Variants in TENM1 observed in about 807,000 individuals in gnomAD.
TENM1 encodes the protein teneurin transmembrane protein 1, also known as teneurin-1.
In TENM1, 35 loss-of-function variants were observed where a neutral mutation model predicts 174.8. The ratio of observed to expected loss-of-function variants is 0.20; its 90% CI spans 0.15 to 0.27. TENM1 has a LOEUF of 0.27. Ranked by LOEUF, TENM1 falls within the 10% of genes least tolerant of loss-of-function variation. The pLI, the probability that TENM1 is intolerant of heterozygous loss-of-function variation, is 1.00. For synonymous variants in TENM1, 781 were observed against 798.7 expected, an observed-to-expected ratio of 0.98 and a Z score of 0.37; for missense variants, 1,633 against 2,130.1, an observed-to-expected ratio of 0.77 and a Z score of 4.59.
intron 1 of TENM1, among the ~76,000 whole-genome samples, chrX:124,937,053 GA>G (rs774928525): frequency 2.2e-3 from 144 of 66,678 alleles, no homozygotes; most frequent in African/African-American, 3.5e-3. Flanking sequence ...CCTCAAAAAA[GA>G]AAAAAAAAAA....
At chrX:124,480,186 T>C (rs181309933) in intron 22 of TENM1, among the ~76,000 whole-genome samples, 1 of 111,870 alleles carries the variant, frequency 8.9e-6, no homozygotes, top group African/African-American at 3.2e-5. Context: ...GCGACTTATT[T>C]CAGTAGAAAA....
chrX:124,439,694 C>T (rs1447845119), intron 23 of TENM1, among the ~76,000 whole-genome samples: 1 of 111,394 alleles, frequency 9.0e-6, no homozygotes. Context: ...CAGTTCTAAA[C>T]TTCTTGGTCC....
chrX:124,707,257 C>A (rs2052930711), intron 4 of TENM1, among the ~76,000 whole-genome samples: 1 of 112,043 alleles, frequency 8.9e-6, no homozygotes, highest in African/African-American at 3.2e-5. Flanking sequence ...CCTACCTCAG[C>A]CTCCTAAAGT....
At chrX:124,561,873 C>G in intron 13 of TENM1, 56 bp from the exon 17 acceptor site, 1 of 1,129,598 alleles carries the variant, frequency 8.9e-7, no homozygotes, top group Non-Finnish European at 1.2e-6. Flanking sequence ...GATTGGCCAA[C>G]AATGATGTAT....
chrX:125,113,780 A>G, the TENM1 span, among the ~76,000 whole-genome samples: 1 of 110,970 alleles, frequency 9.0e-6, no homozygotes, highest in East Asian at 2.8e-4. Flanking sequence ...AGAGACCTAC[A>G]AAGAGACTTA....
chrX:124,729,355 T>C (rs1032457171), intron 4 of TENM1, among the ~76,000 whole-genome samples: 2 of 112,144 alleles, frequency 1.8e-5, no homozygotes, highest in Non-Finnish European at 3.8e-5. Context: ...TCTCATTCAG[T>C]TCTGAAAACA....
chrX:125,039,570 A>G, the TENM1 span, among the ~76,000 whole-genome samples: 2 of 111,375 alleles, frequency 1.8e-5, no homozygotes, highest in Non-Finnish European at 3.8e-5. Context: ...AAAAAGACAT[A>G]GGTAAACCTG....
rs764976943 is a variant in TENM1, at chrX:124,693,097, T to G, written c.1015+11916A>C. Among the ~76,000 whole-genome samples the G allele has an allele frequency of 2.1e-3, 230 of 110,003 alleles. 1 individual carries two copies. Among genetic ancestry groups the G allele is most frequent in the African/African-American group, 7.2e-3 (218 of 30,348 alleles). ...TTTGTCTGTTGTCAAGATGTCTAATTTCAATCTGATTTTCTTTCTTTTACA... is the reference window on the plus strand; with the variant it reads ...TTTGTCTGTTGTCAAGATGTCTAATGTCAATCTGATTTTCTTTCTTTTACA... On this transcript the variant is annotated intron_variant, in intron 5 of 31. Transcript: ENST00000422452.
At position 124,756,503 on chromosome X, in the gene TENM1, C is replaced by T. The variant is rs753162126; in HGVS notation, c.536-19306G>A. ...CTTCTCTCAACTCGTCAAAGTCATT[C>T]TCCATCCAGCTTTGTTCCGTTGCTG... On this transcript the variant is annotated intron_variant, in intron 3 of 31. Coordinates refer to ENST00000422452, the Ensembl canonical transcript of TENM1. Among the ~76,000 whole-genome samples the T allele has an allele frequency of 7.9e-3, 882 of 111,614 alleles. 9 individuals carry two copies. The highest frequency in any genetic ancestry group is 0.027 in the African/African-American group (837 of 30,493).
rs1491523202 is a variant in TENM1, at chrX:124,471,350, ATT to A, written c.3949+10380_3949+10381del. Among the ~76,000 whole-genome samples the A allele has an allele frequency of 4.0e-4, 4 of 10,085 alleles. 1 individual carries two copies. Among genetic ancestry groups the A allele is most frequent in the Admixed American group, 1.6e-3 (1 of 611 alleles). 8.8% of individuals were successfully genotyped at this position (10,085 alleles called of 115,157 possible). On this transcript the variant is annotated intron_variant, in intron 22 of 31. Coordinates refer to ENST00000422452, the Ensembl canonical transcript of TENM1. The stretch of plus-strand genomic sequence containing the variant: ...ATATATAGTACTATATATAATATAT[ATT>A]ATAATATATAGTACTATATATTATA...
At chrX:125,007,244 T>C in the TENM1 span, among the ~76,000 whole-genome samples, 1 of 110,456 alleles carries the variant, frequency 9.1e-6, no homozygotes, top group Admixed American at 9.7e-5. Flanking sequence ...CAAGTATCAA[T>C]AGCCGGACTG....
intron 25 of TENM1, among the ~76,000 whole-genome samples, chrX:124,409,059 C>T (rs1234390830): frequency 9.1e-6 from 1 of 109,829 alleles, no homozygotes; most frequent in Non-Finnish European, 1.9e-5. Context: ...TTTCTTAATC[C>T]AGTCTATCAT....
intron 11 of TENM1, among the ~76,000 whole-genome samples, chrX:124,577,790 G>A (rs1211537073): frequency 8.9e-6 from 1 of 111,880 alleles, no homozygotes. Context: ...TAAAGTCCTT[G>A]GCTCACTCTC....
At chrX:124,701,162 G>A (rs993393061) in intron 5 of TENM1, among the ~76,000 whole-genome samples, 1 of 111,424 alleles carries the variant, frequency 9.0e-6, no homozygotes, top group Non-Finnish European at 1.9e-5. Context: ...AATACTACCT[G>A]TATCCCCTGA....
At chrX:125,159,652 G>T in the TENM1 span, among the ~76,000 whole-genome samples, 1 of 112,061 alleles carries the variant, frequency 8.9e-6, no homozygotes. Context: ...ATGTAAAGTT[G>T]AAGTAAATCC....
rs187816245 is a variant in TENM1, at chrX:124,425,730, G to A, written c.4105-3092C>T. ...GGTAATAGAGGGAAGCACATGTCCA[G>A]TTTTGTTTTGATGGCTGTGGGAAGC... On this transcript the variant is annotated intron_variant, in intron 23 of 31. Transcript: ENST00000422452. Among the ~76,000 whole-genome samples, 310 of 112,135 alleles carry A rather than the reference G, an allele frequency of 2.8e-3. 1 individual carries two copies. The highest frequency in any genetic ancestry group is 9.5e-3 in the African/African-American group (292 of 30,889).
chrX:124,933,566 C>T (rs1274949208), intron 1 of TENM1, among the ~76,000 whole-genome samples: 1 of 112,199 alleles, frequency 8.9e-6, no homozygotes, highest in South Asian at 3.7e-4. Context: ...CGTTAATGTT[C>T]TACAAATCCA....
intron 3 of TENM1, among the ~76,000 whole-genome samples, chrX:124,802,968 G>C (rs1407211891): frequency 8.9e-6 from 1 of 111,840 alleles, no homozygotes; most frequent in East Asian, 2.8e-4. Flanking sequence ...ATACCCCCAA[G>C]TAAAATTCAA....
At chrX:124,931,751 A>G (rs1016970383) in intron 1 of TENM1, among the ~76,000 whole-genome samples, 5 of 110,932 alleles carry the variant, frequency 4.5e-5, no homozygotes, top group African/African-American at 1.6e-4. Context: ...GAAAGAAGAT[A>G]CACTATTATG....
Sources: allele counts gnomAD v4.1 joint callset (sites outside exome capture counted in the v4.1 genomes callset), GRCh38; gene constraint gnomAD v4.1.1; transcripts MANE v1.5; gene names NCBI Gene and HGNC (gene_info 2026-07-23, HGNC 2026-07-21).